Variants in RAB3GAP1 observed in about 807,000 individuals in gnomAD.
The protein encoded by RAB3GAP1 is RAB3 GTPase activating protein catalytic subunit 1, also known as rab3 GTPase-activating protein catalytic subunit.
RAB3GAP1 carries 86 observed loss-of-function variants against 130.7 expected under a neutral mutation model. That is an observed-to-expected ratio of 0.66 (90% CI 0.55 to 0.79). RAB3GAP1 has a LOEUF of 0.79. Ranked by LOEUF, RAB3GAP1 falls within the 30% of genes least tolerant of loss-of-function variation. The probability of loss-of-function intolerance (pLI) is 0.00; values close to 1 mark genes in which losing one functional copy is unlikely to be tolerated. For synonymous variants in RAB3GAP1, 367 were observed against 401.7 expected, an observed-to-expected ratio of 0.91 and a Z score of 1.03; for missense variants, 1,029 against 1,169.4, an observed-to-expected ratio of 0.88 and a Z score of 1.75.
At chr2:135,162,396 T>G (rs1285255532) in intron 19 of RAB3GAP1, 159 bp from the exon 20 acceptor site, 2 of 694,160 alleles carry the variant, frequency 2.9e-6, no homozygotes, top group Non-Finnish European at 5.3e-6. Context: ...TTAGGTGCTT[T>G]CAGTAACATT....
intron 2 of RAB3GAP1, among the ~76,000 whole-genome samples, chr2:135,057,292 T>G (rs1207835142): frequency 6.6e-6 from 1 of 152,168 alleles, no homozygotes; most frequent in Non-Finnish European, 1.5e-5. Flanking sequence ...TTTCTTTTTT[T>G]GTTGGGGGCT....
Position 135,120,804 on chromosome 2 carries a change from G to C in RAB3GAP1, c.649-15G>C. 2.0e-6 allele frequency: 3 copies of C among 1,531,106 alleles called. No homozygotes were observed. The highest frequency in any genetic ancestry group is 2.7e-6 in the Non-Finnish European group (3 of 1,104,598). 94.8% of individuals were successfully genotyped at this position (1,531,106 alleles called of 1,614,324 possible). A position where few individuals can be genotyped will look rare whatever the true frequency, so the allele number is the denominator to read the frequency against. ...CCAGCATTTACACGGTATTGTCTTT[G>C]CATGTATTTCCTAGGGATGTCCTTT... On this transcript the variant is annotated splice_polypyrimidine_tract_variant and intron_variant, in intron 7 of 23. Transcript: ENST00000264158.
intron 7 of RAB3GAP1, among the ~76,000 whole-genome samples, chr2:135,116,720 G>A (rs1690980720): frequency 6.6e-6 from 1 of 152,124 alleles, no homozygotes; most frequent in Non-Finnish European, 1.5e-5. Context: ...TTGTTATGAT[G>A]CCTGCCTTTT....
chr2:135,075,667 T>A (rs1689610385), intron 3 of RAB3GAP1, among the ~76,000 whole-genome samples: 1 of 147,986 alleles, frequency 6.8e-6, no homozygotes. Context: ...TTTTTTATAT[T>A]TGCCTTTTTT....
chr2:135,056,359 C>T (rs534547246), intron 2 of RAB3GAP1, among the ~76,000 whole-genome samples: 40 of 152,096 alleles, frequency 2.6e-4, no homozygotes, highest in Middle Eastern at 6.8e-3. Flanking sequence ...CCTGCCACCG[C>T]GCCTGGCTAA....
chr2:135,054,817 G>T (rs528433781), intron 2 of RAB3GAP1, among the ~76,000 whole-genome samples: 42 of 152,110 alleles, frequency 2.8e-4, no homozygotes, highest in Admixed American at 1.8e-3. Context: ...AGAAAATTTG[G>T]TTTTTGGCTT....
chr2:135,107,533 A>G (rs1386865045), intron 5 of RAB3GAP1, among the ~76,000 whole-genome samples: 4 of 152,194 alleles, frequency 2.6e-5, no homozygotes, highest in African/African-American at 4.8e-5. Flanking sequence ...AAAGTTACTA[A>G]AAATAAATTC....
intron 3 of RAB3GAP1, among the ~76,000 whole-genome samples, chr2:135,085,915 T>A (rs1391050088): frequency 6.6e-6 from 1 of 152,210 alleles, no homozygotes; most frequent in African/African-American, 2.4e-5. Context: ...CCAGAAAGAT[T>A]GCTTGTTTCT....
At chr2:135,059,425 A>C (rs527975616) in intron 3 of RAB3GAP1, among the ~76,000 whole-genome samples, 1 of 152,178 alleles carries the variant, frequency 6.6e-6, no homozygotes, top group South Asian at 2.1e-4. Flanking sequence ...AATTGTGAAC[A>C]AGATAAGATC....
intron 3 of RAB3GAP1, among the ~76,000 whole-genome samples, chr2:135,062,660 A>G (rs996351176): frequency 1.3e-5 from 2 of 152,234 alleles, no homozygotes; most frequent in African/African-American, 4.8e-5. Context: ...CTAGTCATGA[A>G]CATGGCACAT....
At chr2:135,058,166 C>T in intron 3 of RAB3GAP1, 80 bp downstream of exon 3, 1 of 1,173,408 alleles carries the variant, frequency 8.5e-7, no homozygotes, top group East Asian at 2.4e-5. Context: ...GCATTTGGCA[C>T]ATTTGAATTA....
downstream of RAB3GAP1, among the ~76,000 whole-genome samples, chr2:135,171,541 C>T (rs151035272): frequency 3.3e-3 from 510 of 152,298 alleles, 2 homozygotes; most frequent in Middle Eastern, 6.8e-3. Flanking sequence ...CTCCAGGGCC[C>T]TCCTACCCCC....
At chr2:135,104,020 C>A (rs1398359258) in intron 5 of RAB3GAP1, among the ~76,000 whole-genome samples, 1 of 152,132 alleles carries the variant, frequency 6.6e-6, no homozygotes, top group Non-Finnish European at 1.5e-5. Context: ...CCCCAACCCA[C>A]ACACAGATCA....
intron 24 of RAB3GAP1, chr2:135,176,152 G>T (rs1692996365): frequency 6.6e-6 from 1 of 152,134 alleles, no homozygotes; most frequent in Admixed American, 6.5e-5. Context: ...AATTCTTGAA[G>T]AATAAGGTCA....
Position 135,133,880 on chromosome 2 carries a change from A to G in RAB3GAP1, c.1346A>G (p.Lys449Arg), listed in dbSNP as rs929612813. The G allele has an allele frequency of 1.2e-6, 2 of 1,613,720 alleles. No homozygotes were observed. Among genetic ancestry groups the G allele is most frequent in the African/African-American group, 2.7e-5 (2 of 75,042 alleles). Residue 449 changes from lysine (K) to arginine (R), a missense_variant, in exon 15 of 24, where the codon AAG becomes AGG. Physicochemically the swap from Lys to Arg is conservative, Grantham distance 26. Transcript: ENST00000264158. ...ATTTAGAATCTCTACAATCAGTTCA[A>G]GTCTGCACCATCTGACAGTTTAACA... is the stretch of plus-strand genomic sequence containing the variant. ...SEDYNLYNQF[K>R]SAPSDSLTYK...
intron 17 of RAB3GAP1, chr2:135,137,146 T>G (rs575363161): frequency 2.7e-6 from 1 of 369,860 alleles, no homozygotes; most frequent in East Asian, 7.4e-5. Context: ...CAGCATGGGA[T>G]ATGAAGGAAA....
At chr2:135,166,550 T>C (rs1692659002) in intron 23 of RAB3GAP1, among the ~76,000 whole-genome samples, 1 of 152,102 alleles carries the variant, frequency 6.6e-6, no homozygotes, top group Admixed American at 6.6e-5. Context: ...GGTCTCACTT[T>C]GTTGCCCAGG....
At chr2:135,141,169 A>T (rs182998047) in intron 17 of RAB3GAP1, among the ~76,000 whole-genome samples, 69 of 146,754 alleles carry the variant, frequency 4.7e-4, no homozygotes, top group African/African-American at 1.6e-3. Context: ...TATATTCTGG[A>T]TATGAGTCCT....
At chr2:135,174,086 A>G (rs549347513), downstream of RAB3GAP1, among the ~76,000 whole-genome samples, 2 of 152,236 alleles carry the variant, frequency 1.3e-5, no homozygotes, top group Non-Finnish European at 2.9e-5. Context: ...ATCTAAGCAC[A>G]ACTTCTCTGC....
Sources: allele counts gnomAD v4.1 joint callset (sites outside exome capture counted in the v4.1 genomes callset), GRCh38; gene constraint gnomAD v4.1.1; transcripts MANE v1.5; gene names NCBI Gene and HGNC (gene_info 2026-07-23, HGNC 2026-07-21).